The following REEP3 variants were observed in gnomAD, a reference collection of about 807,000 sequenced individuals.
REEP3 encodes the protein receptor accessory protein 3, also known as receptor expression-enhancing protein 3.
A neutral mutation model predicts 41.3 loss-of-function variants in REEP3; 20 were observed. The ratio of observed to expected loss-of-function variants is 0.48; its 90% CI spans 0.34 to 0.70. The LOEUF (loss-of-function observed/expected upper bound fraction) is 0.70, where lower values mean the gene tolerates loss of function less well. Among genes scored for constraint, REEP3 ranks in the 30% least tolerant of loss-of-function variants. The pLI, the probability that REEP3 is intolerant of heterozygous loss-of-function variation, is 0.01. For missense variants in REEP3, 271 were observed against 308.8 expected, an observed-to-expected ratio of 0.88 and a Z score of 0.92; for synonymous variants, 104 against 101.8, an observed-to-expected ratio of 1.02 and a Z score of -0.13.
At chr10:63,572,774 T>C (rs1955864652) in intron 2 of REEP3, among the ~76,000 whole-genome samples, 1 of 152,244 alleles carries the variant, frequency 6.6e-6, no homozygotes, top group Non-Finnish European at 1.5e-5. Context: ...TTTGTTGTTT[T>C]ATTAATTGCT....
chr10:63,547,957 G>A (rs1955593708), intron 1 of REEP3, among the ~76,000 whole-genome samples: 1 of 152,184 alleles, frequency 6.6e-6, no homozygotes, highest in African/African-American at 2.4e-5. Context: ...TACAAAGAAT[G>A]CCTATTTTCT....
chr10:63,553,918 C>T (rs557694709), intron 1 of REEP3, among the ~76,000 whole-genome samples: 21 of 152,070 alleles, frequency 1.4e-4, no homozygotes, highest in Admixed American at 3.9e-4. Flanking sequence ...CTGGCTAACA[C>T]GGTAAAACCA....
chr10:63,585,910 C>A (rs1405382961), intron 2 of REEP3, among the ~76,000 whole-genome samples: 1 of 152,172 alleles, frequency 6.6e-6, no homozygotes, highest in East Asian at 1.9e-4. Context: ...TCCTGAGGAT[C>A]ATTTTACAAT....
At chr10:63,580,367 A>G (rs1955941315) in intron 2 of REEP3, among the ~76,000 whole-genome samples, 1 of 152,094 alleles carries the variant, frequency 6.6e-6, no homozygotes, top group Non-Finnish European at 1.5e-5. Context: ...AAACTCCTAG[A>G]TTCAAGTGAC....
Position 63,610,241 on chromosome 10 carries a change from A to G in REEP3, c.472A>G (p.Thr158Ala), listed in dbSNP as rs760705999. ...LRSFSMHDLT[T>A]IQGDEPVGQR... ...AAGCTTCAGTATGCATGATTTAACAACTATCCAAGGTGATGAGCCTGTGGG... is the reference window on the plus strand; with the variant it reads ...AAGCTTCAGTATGCATGATTTAACAGCTATCCAAGGTGATGAGCCTGTGGG... Residue 158 changes from threonine (T) to alanine (A), a missense_variant, in exon 6 of 8, where the codon ACT becomes GCT. Physicochemically the swap from Thr to Ala is moderately conservative, Grantham distance 58 (BLOSUM62 0). Coordinates refer to ENST00000373758, the MANE Select transcript of REEP3 (RefSeq NM_001001330.3). 6 of 1,604,938 alleles carry G rather than the reference A, an allele frequency of 3.7e-6. No individual in the cohort carries two copies. Among genetic ancestry groups the G allele is most frequent in the East Asian group, 4.5e-5 (2 of 44,798 alleles).
intron 5 of REEP3, among the ~76,000 whole-genome samples, chr10:63,606,271 C>CTTTCTTTTTCTTTCT (rs1956225745): frequency 2.1e-5 from 3 of 145,886 alleles, no homozygotes; most frequent in South Asian, 4.2e-4. Flanking sequence ...CTTTTTCTTT[C>CTTTCTTTTTCTTTCT]TTTCTTTTTC....
chr10:63,613,873 G>A (rs960922094), intron 6 of REEP3, among the ~76,000 whole-genome samples: 4 of 152,094 alleles, frequency 2.6e-5, no homozygotes, highest in South Asian at 2.1e-4. Flanking sequence ...ATAATAGGAA[G>A]TCCCTGTGAA....
In REEP3 at chr10:63,611,842, A is replaced by C. The variant is rs574668911; in HGVS notation, c.565+1508A>C. Among the ~76,000 whole-genome samples, 720 of 151,382 alleles carry C rather than the reference A, an allele frequency of 4.8e-3. 3 individuals are homozygous for C. The highest frequency in any genetic ancestry group is 5.9e-3 in the Admixed American group (89 of 15,196). On this transcript the variant is annotated intron_variant, in intron 6 of 7. Transcript: ENST00000373758. The stretch of plus-strand genomic sequence containing the variant: ...GTATTCACCGAGCTACTTGGGAGGC[A>C]GGTGGGAAAATCACTTGAGCCCAGG...
At chr10:63,617,810 CTCT>C (rs1409290353) in intron 6 of REEP3, among the ~76,000 whole-genome samples, 29 of 119,344 alleles carry the variant, frequency 2.4e-4, no homozygotes, top group African/African-American at 9.1e-4. Context: ...AATCCTTCTA[CTCT>C]TTTTTTTTTT....
At position 63,598,615 on chromosome 10, in the gene REEP3, T is replaced by A. The variant is rs1256033480; in HGVS notation, c.303+471T>A. Among the ~76,000 whole-genome samples the A allele has an allele frequency of 1.1e-4, 17 of 151,012 alleles. 1 individual carries two copies. The highest frequency in any genetic ancestry group is 1.1e-3 in the Admixed American group (17 of 15,166). ...CTGGCTAACACGGTGAAACCCTGTCTCTACTAAAAATACAAAAAATTAGCT... is the reference window on the plus strand; with the variant it reads ...CTGGCTAACACGGTGAAACCCTGTCACTACTAAAAATACAAAAAATTAGCT... On this transcript the variant is annotated intron_variant, in intron 4 of 7. Coordinates refer to ENST00000373758, the MANE Select transcript of REEP3 (RefSeq NM_001001330.3).
intron 1 of REEP3, among the ~76,000 whole-genome samples, chr10:63,544,430 G>A (rs1206921386): frequency 6.6e-6 from 1 of 152,230 alleles, no homozygotes; most frequent in Non-Finnish European, 1.5e-5. Flanking sequence ...TTTGGGACAT[G>A]GGAACAGATA....
chr10:63,588,160 G>C (rs1956025044), intron 2 of REEP3, among the ~76,000 whole-genome samples: 1 of 152,156 alleles, frequency 6.6e-6, no homozygotes, highest in Non-Finnish European at 1.5e-5. Context: ...TAAAGGTAGA[G>C]GGCCTAACCC....
At chr10:63,530,143 T>C (rs1239831016) in intron 1 of REEP3, among the ~76,000 whole-genome samples, 1 of 145,428 alleles carries the variant, frequency 6.9e-6, no homozygotes, top group African/African-American at 2.6e-5. Flanking sequence ...TGTTAGGGTA[T>C]ATGTTTGTTA....
At chr10:63,533,273 GAAC>G (rs1955441306) in intron 1 of REEP3, among the ~76,000 whole-genome samples, 1 of 152,174 alleles carries the variant, frequency 6.6e-6, no homozygotes, top group South Asian at 2.1e-4. Context: ...AGGCCCACAG[GAAC>G]AACAAGCCTA....
rs559536290 is a variant in REEP3 at position 63,597,729 on chromosome 10, A to G, written c.183-295A>G. 1.1e-4 allele frequency among the ~76,000 whole-genome samples: 17 copies of G among 152,198 alleles called. 1 individual carries two copies. In the South Asian group the frequency reaches 3.1e-3, roughly 28 times the overall value. ...GAGTTCAAGACCAGGCCTGGACAAC[A>G]TGGTGAAACCCCGCCTCTACTAAAA... On this transcript the variant is annotated intron_variant, in intron 3 of 7. Transcript: ENST00000373758.
At chr10:63,528,406 T>C (rs1314150020) in intron 1 of REEP3, among the ~76,000 whole-genome samples, 1 of 152,162 alleles carries the variant, frequency 6.6e-6, no homozygotes, top group Non-Finnish European at 1.5e-5. Flanking sequence ...TCTTGTTGAC[T>C]CTGCTTTCAA....
intron 2 of REEP3, among the ~76,000 whole-genome samples, chr10:63,573,108 C>G (rs933305741): frequency 2.0e-5 from 3 of 152,218 alleles, no homozygotes; most frequent in Non-Finnish European, 4.4e-5. Flanking sequence ...CAACTACTAC[C>G]ATTCCCCTTA....
chr10:63,600,492 T>C (rs990609929), intron 5 of REEP3, among the ~76,000 whole-genome samples: 7 of 152,154 alleles, frequency 4.6e-5, no homozygotes, highest in Non-Finnish European at 1.0e-4. Flanking sequence ...TTAGGATAGG[T>C]TTATAAATGA....
rs1245989640 is a variant in REEP3 at position 63,524,857 on chromosome 10, A to T, written c.32+3280A>T. On this transcript the variant is annotated intron_variant, in intron 1 of 7. Transcript: ENST00000373758. ...TAAATACCACATGAAACCGTTGTAA[A>T]GAAAATTAGCCGGGCGTGATGGCGC... Among the ~76,000 whole-genome samples the T allele has an allele frequency of 2.6e-5, 4 of 152,020 alleles. No homozygotes were observed. In the East Asian group the frequency reaches 7.7e-4, roughly 29 times the overall value.
Sources: allele counts gnomAD v4.1 joint callset (sites outside exome capture counted in the v4.1 genomes callset), GRCh38; gene constraint gnomAD v4.1.1; transcripts MANE v1.5; gene names NCBI Gene and HGNC (gene_info 2026-07-23, HGNC 2026-07-21).